ZC3H12D: variants seen among roughly 807,000 people sequenced by gnomAD.
The protein encoded by ZC3H12D is probable ribonuclease ZC3H12D.
In ZC3H12D, 11 loss-of-function variants were observed where a neutral mutation model predicts 24.2. The observed-to-expected ratio is 0.46, with a 90% CI of 0.29 to 0.75. The LOEUF is 0.75. Among genes scored for constraint, ZC3H12D ranks in the 30% least tolerant of loss-of-function variants. The pLI, the probability that ZC3H12D is intolerant of heterozygous loss-of-function variation, is 0.11. For missense variants in ZC3H12D, 740 were observed against 767.7 expected, an observed-to-expected ratio of 0.96 and a Z score of 0.43; for synonymous variants, 333 against 341.8, an observed-to-expected ratio of 0.97 and a Z score of 0.28.
chr6:149,483,814 G>A (rs570696578), intron 1 of ZC3H12D, among the ~76,000 whole-genome samples: 2 of 152,188 alleles, frequency 1.3e-5, no homozygotes, highest in South Asian at 4.1e-4. Context: ...GCCCCACAAA[G>A]TGCTGGGATT....
intron 1 of ZC3H12D, among the ~76,000 whole-genome samples, chr6:149,480,615 A>G (rs1321603554): frequency 6.6e-6 from 1 of 152,190 alleles, no homozygotes; most frequent in Non-Finnish European, 1.5e-5. Flanking sequence ...GCATGCCTTT[A>G]ATCCCAGCTA....
At chr6:149,476,428 T>C (rs1428960883) in intron 1 of ZC3H12D, among the ~76,000 whole-genome samples, 2 of 151,874 alleles carry the variant, frequency 1.3e-5, no homozygotes, top group African/African-American at 4.8e-5. Flanking sequence ...CGCTGGAACC[T>C]GGGAGGCAGA....
In ZC3H12D at chr6:149,452,817, A is replaced by G. The variant is rs1363569677; in HGVS notation, c.681-95T>C. ...CAGGCCCAAGTTCCCCAAGAACACC[A>G]GGAAGCATTCGGCCCCGGGCCCACC... On this transcript the variant is annotated intron_variant, in intron 4 of 5. Transcript: ENST00000409806. The surrounding 1 kb of genome is among the most constrained non-coding windows in gnomAD (Gnocchi z 4.0). The G allele has an allele frequency of 1.7e-6, 2 of 1,153,834 alleles. No homozygotes were observed. Among genetic ancestry groups the G allele is most frequent in the Non-Finnish European group, 2.5e-6 (2 of 804,820 alleles). The allele number at this position is 1,153,834 out of a possible 1,614,324, so 71.5% of individuals were successfully genotyped here. A position where few individuals can be genotyped will look rare whatever the true frequency, so the allele number is the denominator to read the frequency against.
At chr6:149,475,435 C>G (rs115588001) in intron 1 of ZC3H12D, among the ~76,000 whole-genome samples, 1 of 152,310 alleles carries the variant, frequency 6.6e-6, no homozygotes, top group East Asian at 1.9e-4. Flanking sequence ...GGGCCTGCCC[C>G]GGCTGGGCAT....
intron 1 of ZC3H12D, among the ~76,000 whole-genome samples, chr6:149,474,814 C>A (rs60207346): frequency 2.0e-5 from 3 of 152,180 alleles, no homozygotes; most frequent in African/African-American, 7.2e-5. Context: ...CTCACTGAGG[C>A]CTTCACCCCA....
intron 4 of ZC3H12D, among the ~76,000 whole-genome samples, chr6:149,455,305 C>T (rs1583184330): frequency 6.6e-6 from 1 of 152,224 alleles, no homozygotes; most frequent in Non-Finnish European, 1.5e-5. Flanking sequence ...TCCTTTACAA[C>T]TAGTTACTGC....
intron 1 of ZC3H12D, among the ~76,000 whole-genome samples, chr6:149,481,140 C>T (rs1310458998): frequency 6.6e-6 from 1 of 151,832 alleles, no homozygotes; most frequent in Non-Finnish European, 1.5e-5. Context: ...ATCTGCATCA[C>T]AGGCAAACCC....
At chr6:149,475,123 G>A (rs1776315391) in intron 1 of ZC3H12D, among the ~76,000 whole-genome samples, 1 of 152,202 alleles carries the variant, frequency 6.6e-6, no homozygotes, top group Non-Finnish European at 1.5e-5. Context: ...GACTCAGGGA[G>A]AAGGGAGAAA....
intron 1 of ZC3H12D, among the ~76,000 whole-genome samples, chr6:149,476,374 T>G (rs1583192665): frequency 1.3e-5 from 2 of 152,050 alleles, no homozygotes; most frequent in African/African-American, 4.8e-5. Context: ...GCATGTGGCA[T>G]GCACCTGTAA....
chr6:149,460,777 C>T (rs1184328192), intron 3 of ZC3H12D, among the ~76,000 whole-genome samples: 1 of 151,576 alleles, frequency 6.6e-6, no homozygotes, highest in Non-Finnish European at 1.5e-5. Context: ...TTGCAGTGAG[C>T]TGAGATTGTG....
intron 3 of ZC3H12D, among the ~76,000 whole-genome samples, chr6:149,457,660 C>T (rs866905384): frequency 6.6e-6 from 1 of 152,142 alleles, no homozygotes; most frequent in East Asian, 1.9e-4. Context: ...AAAAACTAGT[C>T]AAGAGGTAAA....
At chr6:149,459,613 A>G (rs1438630075) in intron 3 of ZC3H12D, 1 of 712,434 alleles carries the variant, frequency 1.4e-6, no homozygotes, top group Admixed American at 2.0e-5. Flanking sequence ...CTAACAGGTG[A>G]GCTGAGCTAC....
At position 149,461,980 on chromosome 6, in the gene ZC3H12D, G is replaced by A. The variant is rs939011635; in HGVS notation, c.306-10C>T. On this transcript the variant is annotated splice_polypyrimidine_tract_variant and intron_variant, in intron 2 of 5. Coordinates refer to ENST00000409806, the MANE Select transcript of ZC3H12D (RefSeq NM_207360.3). ...TTCTTTATTTCCATGGCTACAATGG[G>A]AAAACAAAGAAATCATAGAGACACA... The A allele has an allele frequency of 1.2e-5, 19 of 1,606,304 alleles. No homozygotes were observed. The highest frequency in any genetic ancestry group is 1.6e-5 in the Non-Finnish European group (19 of 1,176,576).
At chr6:149,476,961 A>G (rs1776351923) in intron 1 of ZC3H12D, among the ~76,000 whole-genome samples, 1 of 152,258 alleles carries the variant, frequency 6.6e-6, no homozygotes, top group Non-Finnish European at 1.5e-5. Context: ...TGAATGAATG[A>G]ATGAATGAAT....
chr6:149,459,409 G>A, intron 3 of ZC3H12D: 1 of 580,062 alleles, frequency 1.7e-6, no homozygotes, highest in Admixed American at 3.1e-5. Context: ...TTTGGGGACA[G>A]CAGCAAACCC....
At chr6:149,462,013 T>G in intron 2 of ZC3H12D, 43 bp from the exon 3 acceptor site, 1 of 1,583,206 alleles carries the variant, frequency 6.3e-7, no homozygotes, top group Non-Finnish European at 8.6e-7. Context: ...ACAGCAAGTG[T>G]TCCTAAGAGT....
At chr6:149,478,634 A>C (rs978893641) in intron 1 of ZC3H12D, among the ~76,000 whole-genome samples, 15 of 152,196 alleles carry the variant, frequency 9.9e-5, no homozygotes, top group Non-Finnish European at 1.9e-4. Context: ...TTAAATCTAG[A>C]GCTGTTCCAA....
At chr6:149,481,645 G>A (rs1382184780) in intron 1 of ZC3H12D, among the ~76,000 whole-genome samples, 1 of 151,784 alleles carries the variant, frequency 6.6e-6, no homozygotes, top group African/African-American at 2.4e-5. Flanking sequence ...AAAGTGCTGG[G>A]ATTACAGACG....
At chr6:149,469,075 T>C (rs1329105561) in intron 2 of ZC3H12D, among the ~76,000 whole-genome samples, 2 of 152,052 alleles carry the variant, frequency 1.3e-5, no homozygotes, top group Non-Finnish European at 2.9e-5. Context: ...CCCCCCAAGG[T>C]TGTACTTTGA....
Sources: gnomAD v4.1 joint callset for allele counts (sites outside exome capture counted in the v4.1 genomes callset) on GRCh38, gnomAD v4.1.1 for gene constraint, Gnocchi (gnomAD v3.1) non-coding constraint, MANE v1.5 for transcripts, NCBI Gene and HGNC (gene_info 2026-07-23, HGNC 2026-07-21) for gene names.